Variants in ASIC2 observed in about 807,000 individuals in gnomAD.
ASIC2 encodes acid sensing ion channel subunit 2.
A neutral mutation model predicts 57.3 loss-of-function variants in ASIC2; 25 were observed. That is an observed-to-expected ratio of 0.44 (90% CI 0.32 to 0.61). ASIC2 has a LOEUF of 0.61. ASIC2 is among the 20% of genes least tolerant of loss of function. ASIC2 has a pLI of 0.06. For missense variants in ASIC2, 641 were observed against 738.1 expected, an observed-to-expected ratio of 0.87 and a Z score of 1.52; for synonymous variants, 319 against 307.5, an observed-to-expected ratio of 1.04 and a Z score of -0.39.
intron 1 of ASIC2, among the ~76,000 whole-genome samples, chr17:33,233,380 A>G (rs1187726810): frequency 6.6e-6 from 1 of 151,794 alleles, no homozygotes; most frequent in Non-Finnish European, 1.5e-5. Flanking sequence ...GCAGCAGAAA[A>G]CTCACACACT....
rs562352541 is a variant in ASIC2, at chr17:33,024,966, G to A, written c.1196-952C>T. ...CCTTACCATTTTAACTAGTGTCAGA[G>A]TGATTTTTTCTTTAACACCTCCCTC... is the stretch of plus-strand genomic sequence containing the variant. On this transcript the variant is annotated intron_variant, in intron 5 of 9. Transcript: ENST00000225823. 5.3e-5 allele frequency among the ~76,000 whole-genome samples: 8 copies of A among 152,264 alleles called. No homozygotes were observed. The East Asian group carries it at 1.5e-3, about 29-fold the overall frequency.
intron 1 of ASIC2, among the ~76,000 whole-genome samples, chr17:33,728,463 C>G (rs1909633517): frequency 6.6e-6 from 1 of 152,172 alleles, no homozygotes; most frequent in South Asian, 2.1e-4. Context: ...ACCCCTAGCT[C>G]TCTCTTACCA....
chr17:33,025,862 AT>A (rs2091856963), intron 5 of ASIC2, 63 bp downstream of exon 5: 1 of 1,457,120 alleles, frequency 6.9e-7, no homozygotes, highest in South Asian at 1.3e-5. Flanking sequence ...AACCCAGATG[AT>A]TTCCATGATC....
chr17:33,134,371 A>G (rs1008326084), intron 1 of ASIC2, among the ~76,000 whole-genome samples: 10 of 152,194 alleles, frequency 6.6e-5, no homozygotes, highest in Non-Finnish European at 1.3e-4. Flanking sequence ...AGGGATGGCA[A>G]CATTGATTGC....
intron 1 of ASIC2, among the ~76,000 whole-genome samples, chr17:34,106,582 ATG>A (rs1481874718): frequency 6.6e-6 from 1 of 152,178 alleles, no homozygotes; most frequent in East Asian, 1.9e-4. Context: ...TACTCAATAA[ATG>A]TGTCTACCTA....
chr17:33,416,634 G>A (rs754499234), intron 1 of ASIC2, among the ~76,000 whole-genome samples: 5 of 152,202 alleles, frequency 3.3e-5, no homozygotes, highest in Non-Finnish European at 5.9e-5. Flanking sequence ...ATGCCGTTGT[G>A]GGAAGATGGC....
chr17:33,605,652 A>G (rs1350928360), intron 1 of ASIC2, among the ~76,000 whole-genome samples: 5 of 152,212 alleles, frequency 3.3e-5, no homozygotes. Context: ...AACAATGTAT[A>G]CTATTGCTCT....
At chr17:34,135,051 C>G (rs1449054956) in intron 1 of ASIC2, among the ~76,000 whole-genome samples, 1 of 152,258 alleles carries the variant, frequency 6.6e-6, no homozygotes, top group Non-Finnish European at 1.5e-5. Context: ...ACCCCACAGA[C>G]AGGCTTGTCA....
At chr17:34,079,867 G>A (rs77657776) in intron 1 of ASIC2, among the ~76,000 whole-genome samples, 4,832 of 152,252 alleles carry the variant, frequency 0.032, 102 homozygotes, top group Middle Eastern at 0.061. Context: ...ATGGATAGAG[G>A]AGGCTGCACT....
At chr17:34,127,714 G>A (rs995518921) in intron 1 of ASIC2, among the ~76,000 whole-genome samples, 5 of 152,168 alleles carry the variant, frequency 3.3e-5, no homozygotes, top group Admixed American at 3.3e-4. Context: ...CTCCAGGGAG[G>A]AGTCCGATGC....
At chr17:33,372,182 C>A (rs1349483441) in intron 1 of ASIC2, among the ~76,000 whole-genome samples, 2 of 152,150 alleles carry the variant, frequency 1.3e-5, no homozygotes, top group South Asian at 2.1e-4. Context: ...AGAACTGTAG[C>A]AGGGCTGGGC....
intron 1 of ASIC2, among the ~76,000 whole-genome samples, chr17:33,669,479 G>T (rs142039729): frequency 1.8e-3 from 280 of 152,292 alleles, no homozygotes; most frequent in African/African-American, 6.5e-3. Context: ...CAGACAGACA[G>T]ACATGGAAGA....
At chr17:33,195,062 A>T (rs934782684) in intron 1 of ASIC2, among the ~76,000 whole-genome samples, 2 of 152,214 alleles carry the variant, frequency 1.3e-5, no homozygotes, top group African/African-American at 4.8e-5. Context: ...GAACAAGCTA[A>T]GTCGGGCTCC....
intron 1 of ASIC2, among the ~76,000 whole-genome samples, chr17:33,158,792 C>T (rs1108305): frequency 0.26 from 39,461 of 152,114 alleles, 5,275 homozygotes; most frequent in East Asian, 0.4. Context: ...ATTCCAGATG[C>T]CTGCAGAGAG....
intron 1 of ASIC2, chr17:33,680,458 G>A (rs1041604618): frequency 3.3e-5 from 5 of 152,124 alleles, no homozygotes; most frequent in East Asian, 1.9e-4. Flanking sequence ...CCCCAGGGAG[G>A]AGCAGAGGGC....
intron 1 of ASIC2, among the ~76,000 whole-genome samples, chr17:33,351,335 C>T (rs753607616): frequency 1.3e-5 from 2 of 152,102 alleles, no homozygotes; most frequent in Non-Finnish European, 2.9e-5. Context: ...TGAGCAGCCC[C>T]ACTGTGAATG....
At chr17:34,115,392 C>T (rs1278202938) in intron 1 of ASIC2, among the ~76,000 whole-genome samples, 4 of 152,182 alleles carry the variant, frequency 2.6e-5, no homozygotes, top group Non-Finnish European at 5.9e-5. Flanking sequence ...TTGCCCATGA[C>T]AAGTAGTCAC....
In ASIC2 at chr17:33,281,434, T is replaced by C. The variant is rs1333845073; in HGVS notation, c.708+9974A>G. On this transcript the variant is annotated intron_variant, in intron 1 of 9. Transcript: ENST00000225823. ...TAGGACCTACACACCTGTGCTGTGCTTTTACATACAAGAGAGCAGGAACAG... is the reference window on the plus strand; with the variant it reads ...TAGGACCTACACACCTGTGCTGTGCCTTTACATACAAGAGAGCAGGAACAG... Among the ~76,000 whole-genome samples the C allele has an allele frequency of 3.9e-5, 6 of 152,370 alleles. No individual in the cohort carries two copies. In the South Asian group the frequency reaches 6.2e-4, roughly 16 times the overall value.
At chr17:33,286,314 C>G (rs1905185715) in intron 1 of ASIC2, among the ~76,000 whole-genome samples, 1 of 152,160 alleles carries the variant, frequency 6.6e-6, no homozygotes, top group Non-Finnish European at 1.5e-5. Context: ...GTGAAGGGTG[C>G]AGGGAGGAGT....
Sources: gnomAD v4.1 joint callset for allele counts (sites outside exome capture counted in the v4.1 genomes callset) on GRCh38, gnomAD v4.1.1 for gene constraint, MANE v1.5 for transcripts, NCBI Gene and HGNC (gene_info 2026-07-23, HGNC 2026-07-21) for gene names.